The following SNTG1 variants were observed in gnomAD, a reference collection of about 807,000 sequenced individuals.
The protein encoded by SNTG1 is syntrophin gamma 1, also known as gamma-1-syntrophin.
A neutral mutation model predicts 74.7 loss-of-function variants in SNTG1; 39 were observed. The observed-to-expected ratio is 0.52, with a 90% CI of 0.40 to 0.68. SNTG1 has a LOEUF of 0.68. Among genes scored for constraint, SNTG1 ranks in the 30% least tolerant of loss-of-function variants. The probability of loss-of-function intolerance (pLI) is 0.00; values close to 1 mark genes in which losing one functional copy is unlikely to be tolerated. For synonymous variants in SNTG1, 254 were observed against 217.1 expected (o/e 1.17, Z -1.49); for missense variants, 685 against 609.5 (o/e 1.12, Z -1.30).
chr8:50,251,959 G>C (rs1033651950), intron 2 of SNTG1, among the ~76,000 whole-genome samples: 5 of 151,808 alleles, frequency 3.3e-5, no homozygotes, highest in African/African-American at 1.2e-4. Flanking sequence ...TTACATATTA[G>C]GCCACAAAAC....
intron 11 of SNTG1, among the ~76,000 whole-genome samples, chr8:50,547,378 G>T (rs1053658513): frequency 6.6e-6 from 1 of 152,074 alleles, no homozygotes; most frequent in African/African-American, 2.4e-5. Flanking sequence ...CTCTTCACTT[G>T]TTCTTACACA....
rs552274066 is a variant in SNTG1, at chr8:50,314,248, G to A, written c.-27-79964G>A. ...TCATCTTTACTCCCTCATACTATAT[G>A]TCTTGTTTTTTTTTAATTCCCTGGC... On this transcript the variant is annotated intron_variant, in intron 2 of 18. Transcript: ENST00000642720. 1.8e-4 allele frequency among the ~76,000 whole-genome samples: 27 copies of A among 148,644 alleles called. 6 individuals are homozygous for A. Among genetic ancestry groups the A allele is most frequent in the African/African-American group, 6.6e-4 (26 of 39,562 alleles).
chr8:50,511,534 T>C (rs941300493), intron 9 of SNTG1, among the ~76,000 whole-genome samples: 1 of 152,144 alleles, frequency 6.6e-6, no homozygotes, highest in Non-Finnish European at 1.5e-5. Context: ...CTCCCATTAT[T>C]ATTGTGTGGG....
At chr8:50,716,985 C>T (rs1462519562) in intron 17 of SNTG1, among the ~76,000 whole-genome samples, 3 of 152,134 alleles carry the variant, frequency 2.0e-5, no homozygotes, top group Non-Finnish European at 4.4e-5. Context: ...ATCCGCCTGC[C>T]TCAGCCTCCC....
At chr8:50,337,307 G>A (rs1365939130) in intron 2 of SNTG1, among the ~76,000 whole-genome samples, 3 of 152,174 alleles carry the variant, frequency 2.0e-5, no homozygotes, top group African/African-American at 4.8e-5. Flanking sequence ...ATAAATTACA[G>A]AGAAACTTAA....
intron 1 of SNTG1, among the ~76,000 whole-genome samples, chr8:50,165,438 T>C (rs754551882): frequency 3.3e-5 from 5 of 152,226 alleles, no homozygotes; most frequent in Non-Finnish European, 5.9e-5. Flanking sequence ...AAAAATTATT[T>C]TGTGTCCTGT....
In SNTG1 at chr8:50,502,837, A is replaced by G. The variant is rs1371783235; in HGVS notation, c.423A>G (p.Arg141=). 6.2e-7 allele frequency: 1 copy of G among 1,613,560 alleles called. No homozygotes were observed. The highest frequency in any genetic ancestry group is 8.5e-7 in the Non-Finnish European group (1 of 1,179,680). ...EVTLTVSFLK[R]APAFLKLPLN... ...CTCTAACAGTGTCATTTTTAAAAAG[A>G]GCACCTGCTTTCCTCAAACTCCCAT... Residue 141 remains arginine, a synonymous_variant, in exon 9 of 19, where the codon AGA becomes AGG. Coordinates refer to ENST00000642720, the MANE Select transcript of SNTG1 (RefSeq NM_018967.5).
In SNTG1 at chr8:49,937,917, T is replaced by A. The variant is rs1808233418; in HGVS notation, c.-103+25686T>A. On this transcript the variant is annotated intron_variant, in intron 1 of 18. Transcript: ENST00000642720. The stretch of plus-strand genomic sequence containing the variant: ...TTTTTGAAACATTATTCCTGTCAGA[T>A]CCACAAGCTAATATTTTTGGCATAG... Among the ~76,000 whole-genome samples the A allele has an allele frequency of 2.6e-5, 4 of 152,276 alleles. No individual in the cohort carries two copies. The South Asian group carries it at 8.3e-4, about 32-fold the overall frequency.
At chr8:50,428,395 G>T (rs1044905037) in intron 4 of SNTG1, among the ~76,000 whole-genome samples, 1 of 152,168 alleles carries the variant, frequency 6.6e-6, no homozygotes, top group African/African-American at 2.4e-5. Flanking sequence ...TCAATCCAGA[G>T]AATTCACCAC....
chr8:50,740,363 GAA>G (rs58639766), intron 17 of SNTG1, among the ~76,000 whole-genome samples: 52,485 of 139,032 alleles, frequency 0.38, 11,722 homozygotes, highest in African/African-American at 0.64. Context: ...AAAAACATAT[GAA>G]AAAAAAAAAA....
chr8:50,411,152 G>T (rs1244223578), intron 4 of SNTG1, among the ~76,000 whole-genome samples: 1 of 151,956 alleles, frequency 6.6e-6, no homozygotes, highest in Non-Finnish European at 1.5e-5. Flanking sequence ...GTGCAAATAA[G>T]ACTAAGAAAA....
intron 2 of SNTG1, among the ~76,000 whole-genome samples, chr8:50,338,602 T>G (rs1467398653): frequency 6.6e-6 from 1 of 151,644 alleles, no homozygotes; most frequent in African/African-American, 2.4e-5. Context: ...CAAAAGAAAA[T>G]GCTAAAAATC....
At chr8:50,733,051 TAC>T (rs2095516759) in intron 17 of SNTG1, among the ~76,000 whole-genome samples, 1 of 151,994 alleles carries the variant, frequency 6.6e-6, no homozygotes, top group African/African-American at 2.4e-5. Flanking sequence ...GTGAGCATAG[TAC>T]CTGATAGACA....
At chr8:50,459,619 G>A (rs76690828) in intron 8 of SNTG1, among the ~76,000 whole-genome samples, 8,505 of 152,060 alleles carry the variant, frequency 0.056, 349 homozygotes, top group South Asian at 0.18. Context: ...TGAAAGACCC[G>A]TCGCTCAGGT....
chr8:50,737,355 C>T (rs1437159816), intron 17 of SNTG1, among the ~76,000 whole-genome samples: 1 of 151,956 alleles, frequency 6.6e-6, no homozygotes, highest in Non-Finnish European at 1.5e-5. Flanking sequence ...TAAGACTAAA[C>T]CAGGAAGAAG....
intron 14 of SNTG1, among the ~76,000 whole-genome samples, chr8:50,658,125 G>A (rs958822351): frequency 2.6e-5 from 4 of 152,084 alleles, no homozygotes; most frequent in African/African-American, 9.7e-5. Flanking sequence ...CTAAGTAAGT[G>A]AAATAACTGC....
chr8:49,936,838 A>G (rs563350032), intron 1 of SNTG1, among the ~76,000 whole-genome samples: 1 of 152,156 alleles, frequency 6.6e-6, no homozygotes, highest in Non-Finnish European at 1.5e-5. Context: ...ACATGCATCA[A>G]CCTAGATGAA....
chr8:50,762,831 A>T, intron 18 of SNTG1: 1 of 402,306 alleles, frequency 2.5e-6, no homozygotes, highest in Non-Finnish European at 5.0e-6. Context: ...TTGAGCAATG[A>T]AGGTTCCTGC....
chr8:50,786,403 T>G (rs973241813), intron 18 of SNTG1, among the ~76,000 whole-genome samples: 2 of 151,960 alleles, frequency 1.3e-5, no homozygotes, highest in Non-Finnish European at 2.9e-5. Context: ...GTGCATAAAT[T>G]AGAAAACTTA....
Sources: gnomAD v4.1 joint callset for allele counts (sites outside exome capture counted in the v4.1 genomes callset) on GRCh38, gnomAD v4.1.1 for gene constraint, MANE v1.5 for transcripts, NCBI Gene and HGNC (gene_info 2026-07-23, HGNC 2026-07-21) for gene names.